MIA2: variants seen among roughly 807,000 people sequenced by gnomAD.
MIA2 encodes the protein melanoma inhibitory activity protein 2.
In MIA2, 127 loss-of-function variants were observed where a neutral mutation model predicts 167.8. The ratio of observed to expected loss-of-function variants is 0.76; its 90% confidence interval spans 0.66 to 0.88. MIA2 has a LOEUF of 0.88. MIA2 is among the 40% of genes least tolerant of loss of function. MIA2 has a pLI of 0.00. For synonymous variants in MIA2, 552 were observed against 541.9 expected (o/e 1.02, Z -0.26); for missense variants, 1,690 against 1,624.7 (o/e 1.04, Z -0.69).
intron 24 of MIA2, among the ~76,000 whole-genome samples, chr14:39,322,618 C>T (rs1380777151): frequency 7.8e-6 from 1 of 128,672 alleles, no homozygotes; most frequent in Non-Finnish European, 1.9e-5. Flanking sequence ...GTACCTCAGG[C>T]CTAATCATTA....
At chr14:39,251,804 C>T (rs1481894365) in intron 4 of MIA2, among the ~76,000 whole-genome samples, 1 of 152,140 alleles carries the variant, frequency 6.6e-6, no homozygotes, top group African/African-American at 2.4e-5. Flanking sequence ...TGTTAAGACT[C>T]ACAAGCTCAA....
chr14:39,303,362 G>T, intron 15 of MIA2, 116 bp from the exon 16 acceptor site: 1 of 738,912 alleles, frequency 1.4e-6, no homozygotes, highest in Non-Finnish European at 2.2e-6. Flanking sequence ...CTTTATTGTA[G>T]CAAGAAGAGG....
intron 23 of MIA2, chr14:39,385,904 C>T (rs2075266006): frequency 1.1e-6 from 1 of 883,036 alleles, no homozygotes; most frequent in Non-Finnish European, 1.9e-6. Context: ...AGGTTATCTC[C>T]TCTACCCCAT....
At chr14:39,288,464 TATATATA>T (rs1347439861) in intron 9 of MIA2, among the ~76,000 whole-genome samples, 12 of 30,404 alleles carry the variant, frequency 3.9e-4, no homozygotes, top group African/African-American at 6.9e-4. Flanking sequence ...TATATATATA[TATATATA>T]TATATTTTTT....
intron 25 of MIA2, among the ~76,000 whole-genome samples, chr14:39,338,423 T>A (rs748004891): frequency 2.6e-4 from 39 of 152,242 alleles, no homozygotes; most frequent in Admixed American, 2.6e-3. Flanking sequence ...ATTAAGCATA[T>A]AATGTGATTT....
intron 24 of MIA2, among the ~76,000 whole-genome samples, chr14:39,326,024 G>C (rs1024547014): frequency 1.3e-5 from 2 of 152,132 alleles, no homozygotes; most frequent in Non-Finnish European, 2.9e-5. Context: ...CTGTATATGG[G>C]TTTTTAATTA....
At chr14:39,325,040 T>C (rs2067200622) in intron 24 of MIA2, among the ~76,000 whole-genome samples, 1 of 152,246 alleles carries the variant, frequency 6.6e-6, no homozygotes, top group African/African-American at 2.4e-5. Context: ...CTGGGCAACA[T>C]GGCAAAACCC....
intron 24 of MIA2, among the ~76,000 whole-genome samples, chr14:39,325,249 G>T (rs1377830866): frequency 6.6e-6 from 1 of 150,782 alleles, no homozygotes; most frequent in African/African-American, 2.4e-5. Context: ...TGTTTTTAAA[G>T]CTGTTCCTTG....
intron 6 of MIA2, among the ~76,000 whole-genome samples, chr14:39,257,011 T>A (rs778567287): frequency 2.6e-5 from 4 of 152,168 alleles, no homozygotes; most frequent in Admixed American, 6.6e-5. Context: ...TTTGCTGAGG[T>A]GTGTTTCACT....
In MIA2 at chr14:39,321,463, G is replaced by A. The variant is rs545588373; in HGVS notation, c.3496+407G>A. ...CGAGTAGCTGGGACTACAGGCGCCC[G>A]CCACCATGCCCGGCTAATTTTTTTT... On this transcript the variant is annotated intron_variant, in intron 24 of 28. Transcript: ENST00000640607. 1.8e-4 allele frequency among the ~76,000 whole-genome samples: 28 copies of A among 151,736 alleles called. No individual in the cohort carries two copies. The East Asian group carries it at 5.1e-3, about 28-fold the overall frequency.
At chr14:39,267,822 C>A (rs566806358) in intron 6 of MIA2, among the ~76,000 whole-genome samples, 1 of 152,142 alleles carries the variant, frequency 6.6e-6, no homozygotes, top group Non-Finnish European at 1.5e-5. Context: ...TTAGCCTTTC[C>A]GCTATGTTGT....
chr14:39,295,725 A>T (rs1222165936), intron 13 of MIA2, among the ~76,000 whole-genome samples: 1 of 151,852 alleles, frequency 6.6e-6, no homozygotes, highest in Admixed American at 6.6e-5. Flanking sequence ...ACGCCCAGCT[A>T]ATTTTTGTAT....
At chr14:39,315,313 AAAAAAT>A (rs1364203804) in intron 20 of MIA2, 58 of 166,460 alleles carry the variant, frequency 3.5e-4, no homozygotes, top group Middle Eastern at 2.7e-3. Context: ...CAAAAAAAAA[AAAAAAT>A]AAAATAAATA....
chr14:39,350,248 C>G lies in MIA2; in HGVS notation c.4223C>G (p.Pro1408Arg). The G allele has an allele frequency of 6.8e-7, 1 of 1,481,238 alleles. No individual in the cohort carries two copies. The highest frequency in any genetic ancestry group is 2.7e-5 in the East Asian group (1 of 37,368). The allele number at this position is 1,481,238 out of a possible 1,614,324, so 91.8% of individuals were successfully genotyped here. A position where few individuals can be genotyped will look rare whatever the true frequency, so the allele number is the denominator to read the frequency against. The stretch of plus-strand genomic sequence containing the variant: ...GAGCCTGCTACTGAACATCCAGAAC[C>G]ACAGCAAGAAACCTGACAATATTTT... The part of the protein sequence containing the change: ...SNEPATEHPE[P>R]QQET Residue 1408 changes from proline to arginine, a missense_variant, in exon 29 of 29, where the codon CCA becomes CGA. Pro to Arg is a moderately radical substitution (Grantham distance 103, BLOSUM62 -2). Coordinates refer to ENST00000640607, the MANE Select transcript of MIA2 (RefSeq NM_001329214.4).
intron 1 of MIA2, among the ~76,000 whole-genome samples, chr14:39,236,439 G>A (rs2053751521): frequency 6.6e-6 from 1 of 152,140 alleles, no homozygotes; most frequent in Non-Finnish European, 1.5e-5. Context: ...AATTCTCTGA[G>A]CCTTCACTAA....
chr14:39,350,223 G>T lies in MIA2; in HGVS notation c.4198G>T (p.Glu1400Ter). The T allele has an allele frequency of 6.6e-7, 1 of 1,520,890 alleles. No individual in the cohort carries two copies. The highest frequency in any genetic ancestry group is 8.8e-7 in the Non-Finnish European group (1 of 1,133,194). 94.2% of individuals were successfully genotyped at this position (1,520,890 alleles called of 1,614,324 possible). ...CTCAGGTTTGATTCCACCTTCAAAT[G>T]AGCCTGCTACTGAACATCCAGAACC... ...FPSGLIPPSN[E>*]PATEHPEPQQ... The change falls in exon 29 of 29, where the codon GAG becomes TAG. Residue 1400 changes from glutamate to a stop codon, truncating the protein, a stop_gained. Transcript: ENST00000640607. LOFTEE classifies it high-confidence loss of function.
At chr14:39,293,929 A>G in intron 11 of MIA2, 71 bp from the exon 12 acceptor site, 3 of 1,141,334 alleles carry the variant, frequency 2.6e-6, no homozygotes, top group South Asian at 1.3e-5. Flanking sequence ...GGTTAACAGT[A>G]TATCTAATAA....
intron 23 of MIA2, among the ~76,000 whole-genome samples, chr14:39,377,234 A>G (rs1189295869): frequency 6.7e-6 from 1 of 149,266 alleles, no homozygotes; most frequent in Non-Finnish European, 1.5e-5. Flanking sequence ...TAGGGGGAGG[A>G]AGAAAAAAAA....
At position 39,269,911 on chromosome 14, in the gene MIA2, T is replaced by C. The variant is rs868503811; in HGVS notation, c.1888-7023T>C. On this transcript the variant is annotated intron_variant, in intron 6 of 28. Transcript: ENST00000640607. ...GATGGACATATGGATTATTAATACT[T>C]TTTGGCTATTATGAATAATGCTGCT... Among the ~76,000 whole-genome samples, 20 of 152,336 alleles carry C rather than the reference T, an allele frequency of 1.3e-4. 1 individual carries two copies. In the Middle Eastern group the frequency reaches 0.02, roughly 155 times the overall value.
Sources: gnomAD v4.1 joint callset for allele counts (sites outside exome capture counted in the v4.1 genomes callset) on GRCh38, gnomAD v4.1.1 for gene constraint, MANE v1.5 for transcripts, NCBI Gene and HGNC (gene_info 2026-07-23, HGNC 2026-07-21) for gene names.